LIMA1: variants seen among roughly 807,000 people sequenced by gnomAD.
LIMA1 encodes LIM domain and actin-binding protein 1.
A neutral mutation model predicts 62.6 loss-of-function variants in LIMA1; 52 were observed. That is an observed-to-expected ratio of 0.83 (90% CI 0.67 to 1.05). LIMA1 has a LOEUF of 1.05. Ranked by LOEUF, LIMA1 falls within the 50% of genes least tolerant of loss-of-function variation. The pLI is 0.00. For missense variants in LIMA1, 780 were observed against 902.2 expected (o/e 0.86, Z 1.74); for synonymous variants, 302 against 317.8 (o/e 0.95, Z 0.53).
intron 1 of LIMA1, among the ~76,000 whole-genome samples, chr12:50,259,691 C>A (rs895169748): frequency 6.6e-6 from 1 of 152,184 alleles, no homozygotes; most frequent in Non-Finnish European, 1.5e-5. Flanking sequence ...GACAAGTCTG[C>A]AGGCATGTTA....
chr12:50,240,056 C>CATAACATAACATAACATAAAATAAA (rs550347743), intron 2 of LIMA1, among the ~76,000 whole-genome samples: 4 of 113,180 alleles, frequency 3.5e-5, no homozygotes, highest in African/African-American at 9.9e-5. Flanking sequence ...CATAACATAA[C>CATAACATAACATAACATAAAATAAA]ATAAAATAAA....
chr12:50,182,205 G>T, intron 9 of LIMA1, 168 bp from the exon 10 acceptor site: 1 of 659,300 alleles, frequency 1.5e-6, no homozygotes, highest in Non-Finnish European at 2.5e-6. Context: ...AAAGCCAAGA[G>T]GCTCTCTTGA....
intron 1 of LIMA1, among the ~76,000 whole-genome samples, chr12:50,275,844 G>T (rs1480139660): frequency 1.3e-5 from 2 of 151,998 alleles, no homozygotes; most frequent in African/African-American, 2.4e-5. Context: ...TGGGGGTGTG[G>T]GTGTCTTGAA....
intron 10 of LIMA1, among the ~76,000 whole-genome samples, chr12:50,180,883 C>A (rs577312436): frequency 3.3e-5 from 5 of 151,868 alleles, no homozygotes; most frequent in African/African-American, 1.2e-4. Flanking sequence ...GAGGCCGAGG[C>A]GGGTGGATCA....
intron 7 of LIMA1, 25 bp from the exon 8 acceptor site, chr12:50,195,912 A>AAT: frequency 6.7e-7 from 1 of 1,497,810 alleles, no homozygotes. Context: ...AAAAAAAAAA[A>AAT]GTTAGAGGGG....
chr12:50,176,077 G>GAATC lies in LIMA1; in HGVS notation c.*986_*987insGATT, dbSNP rs1352591409. 1 of 152,126 alleles carries GAATC rather than the reference G, an allele frequency of 6.6e-6. No individual in the cohort carries two copies. The highest frequency in any genetic ancestry group is 1.5e-5 in the Non-Finnish European group (1 of 68,020). The allele number at this position is 152,126 out of a possible 1,614,324, so 9.4% of individuals were successfully genotyped here. Reference sequence around the variant, plus strand: ...TTTAATTTCACCCTGAGAATACTGTGATAAAAATCAATATATTTCAGAGCT... The same window carrying GAATC: ...TTTAATTTCACCCTGAGAATACTGTGAATCATAAAAATCAATATATTTCAGAGCT... On this transcript the variant is annotated 3_prime_UTR_variant, in exon 11 of 11. Coordinates refer to ENST00000341247, the MANE Select transcript of LIMA1 (RefSeq NM_016357.5).
At chr12:50,258,561 T>C (rs547318135) in intron 1 of LIMA1, among the ~76,000 whole-genome samples, 1 of 151,704 alleles carries the variant, frequency 6.6e-6, no homozygotes, top group Non-Finnish European at 1.5e-5. Context: ...CCTCCCAAAG[T>C]GCTGGGATTA....
intron 4 of LIMA1, among the ~76,000 whole-genome samples, chr12:50,219,452 T>A (rs1941405424): frequency 6.6e-6 from 1 of 151,684 alleles, no homozygotes; most frequent in Non-Finnish European, 1.5e-5. Context: ...ACCAATACAC[T>A]CCAGCCTGAG....
chr12:50,222,779 C>G, intron 3 of LIMA1: 1 of 919,722 alleles, frequency 1.1e-6, no homozygotes, highest in Non-Finnish European at 1.4e-6. Context: ...TAGTTACATG[C>G]GAAACAAGAG....
At chr12:50,280,450 G>GC (rs1262303742) in intron 1 of LIMA1, among the ~76,000 whole-genome samples, 20 of 152,068 alleles carry the variant, frequency 1.3e-4, no homozygotes, top group East Asian at 1.9e-4. Flanking sequence ...GAGCCACCGC[G>GC]CCCGGCCCAG....
intron 1 of LIMA1, among the ~76,000 whole-genome samples, chr12:50,258,110 A>G (rs796925328): frequency 2.0e-5 from 3 of 151,994 alleles, no homozygotes; most frequent in African/African-American, 7.2e-5. Flanking sequence ...CTCGTCTTGT[A>G]TTTACCATGC....
chr12:50,230,944 T>C (rs1941603330), intron 3 of LIMA1, among the ~76,000 whole-genome samples: 1 of 152,196 alleles, frequency 6.6e-6, no homozygotes, highest in Non-Finnish European at 1.5e-5. Flanking sequence ...CCAAGGACCT[T>C]AGCCTTAGAA....
At chr12:50,212,606 G>GA (rs902028652) in intron 4 of LIMA1, among the ~76,000 whole-genome samples, 20 of 140,618 alleles carry the variant, frequency 1.4e-4, no homozygotes, top group South Asian at 2.2e-4. Flanking sequence ...ATTAGGAAAA[G>GA]AAAAAAAAAA....
intron 10 of LIMA1, among the ~76,000 whole-genome samples, chr12:50,178,958 A>AT (rs1355088174): frequency 2.8e-5 from 3 of 106,068 alleles, no homozygotes; most frequent in African/African-American, 1.1e-4. Context: ...ATACATATAT[A>AT]TATATATATT....
chr12:50,254,643 C>A (rs1592557969), intron 1 of LIMA1, among the ~76,000 whole-genome samples: 1 of 152,268 alleles, frequency 6.6e-6, no homozygotes, highest in South Asian at 2.1e-4. Context: ...GAAATCTGCC[C>A]CAGGTATCTG....
rs1407929602 is a variant in LIMA1, at chr12:50,212,258, A to G, written c.631-6190T>C. On this transcript the variant is annotated intron_variant, in intron 4 of 10. Transcript: ENST00000341247. ...TGATTCTCAACACTTTAATTTACTG[A>G]GAGTCCCCTGCCTCACTTAGCCACT... 6.3e-4 allele frequency among the ~76,000 whole-genome samples: 96 copies of G among 152,314 alleles called. 1 individual carries two copies. Among genetic ancestry groups the G allele is most frequent in the African/African-American group, 2.3e-3 (94 of 41,562 alleles).
At chr12:50,223,142 TC>T (rs1941475535) in intron 3 of LIMA1, among the ~76,000 whole-genome samples, 1 of 152,154 alleles carries the variant, frequency 6.6e-6, no homozygotes, top group Non-Finnish European at 1.5e-5. Context: ...AAGAATTTAA[TC>T]TTTTTTTTTT....
intron 2 of LIMA1, among the ~76,000 whole-genome samples, chr12:50,239,133 T>C (rs1941737592): frequency 6.6e-6 from 1 of 151,920 alleles, no homozygotes; most frequent in South Asian, 2.1e-4. Context: ...TAATATCTGC[T>C]CTCCGATGCT....
intron 10 of LIMA1, among the ~76,000 whole-genome samples, chr12:50,180,645 C>T (rs549807124): frequency 1.3e-5 from 2 of 152,232 alleles, no homozygotes; most frequent in South Asian, 4.1e-4. Context: ...GAGGAGTTGA[C>T]AGGAGGTAGT....
Sources: allele counts gnomAD v4.1 joint callset (sites outside exome capture counted in the v4.1 genomes callset), GRCh38; gene constraint gnomAD v4.1.1; transcripts MANE v1.5; gene names NCBI Gene and HGNC (gene_info 2026-07-23, HGNC 2026-07-21).